The following CNIH3 variants were observed in gnomAD, a reference collection of about 807,000 sequenced individuals.
CNIH3 encodes the protein protein cornichon homolog 3.
Under a neutral mutation model 24.1 loss-of-function variants are expected in CNIH3, and 14 were observed. That is an observed-to-expected ratio of 0.58 (90% confidence interval 0.38 to 0.91). The LOEUF (loss-of-function observed/expected upper bound fraction) is 0.91, where lower values mean the gene tolerates loss of function less well. Among genes scored for constraint, CNIH3 ranks in the 40% least tolerant of loss-of-function variants. The pLI, the probability that CNIH3 is intolerant of heterozygous loss-of-function variation, is 0.00. For synonymous variants in CNIH3, 68 were observed against 73.8 expected, an observed-to-expected ratio of 0.92 and a Z score of 0.40; for missense variants, 178 against 196.8, an observed-to-expected ratio of 0.90 and a Z score of 0.57.
intron 3 of CNIH3, among the ~76,000 whole-genome samples, chr1:224,716,477 T>G (rs1326860942): frequency 1.3e-5 from 2 of 152,188 alleles, no homozygotes; most frequent in East Asian, 3.9e-4. Context: ...GTCCTGCATT[T>G]TGCTTGGGAA....
intron 3 of CNIH3, among the ~76,000 whole-genome samples, chr1:224,561,572 C>T (rs1680374903): frequency 6.6e-6 from 1 of 152,132 alleles, no homozygotes; most frequent in African/African-American, 2.4e-5. Context: ...TCGATGTGGC[C>T]TCTTCTAATG....
intron 1 of CNIH3, among the ~76,000 whole-genome samples, chr1:224,466,508 G>C (rs1394884784): frequency 1.3e-5 from 2 of 152,156 alleles, no homozygotes; most frequent in African/African-American, 4.8e-5. Context: ...ATACATTGAA[G>C]GACATTTGGG....
downstream of CNIH3, among the ~76,000 whole-genome samples, chr1:224,593,551 A>G (rs1163350560): frequency 1.3e-5 from 2 of 152,236 alleles, no homozygotes; most frequent in Non-Finnish European, 2.9e-5. Flanking sequence ...CTCTGTTGAC[A>G]TTGAATGTTC....
intron 3 of CNIH3, among the ~76,000 whole-genome samples, chr1:224,707,705 C>G (rs1389916796): frequency 2.0e-5 from 3 of 152,170 alleles, no homozygotes; most frequent in Non-Finnish European, 1.5e-5. Context: ...TGCATTTTAA[C>G]AAGATCCTTG....
chr1:224,715,264 C>A (rs1456209053), intron 3 of CNIH3, among the ~76,000 whole-genome samples: 1 of 152,202 alleles, frequency 6.6e-6, no homozygotes, highest in Non-Finnish European at 1.5e-5. Flanking sequence ...TGACTCTGCA[C>A]CCTCTGGTTT....
chr1:224,468,136 C>T (rs1676223987), intron 1 of CNIH3, among the ~76,000 whole-genome samples: 1 of 152,126 alleles, frequency 6.6e-6, no homozygotes, highest in Admixed American at 6.6e-5. Context: ...ATTCTTCTTA[C>T]AACATTCTTC....
At position 224,553,746 on chromosome 1, in the gene CNIH3, C is replaced by CTT. The variant is rs35165684; in HGVS notation, n.450+6818_450+6819dup. On this transcript the variant is annotated intron_variant and non_coding_transcript_variant, in intron 3 of 5. Transcript: ENST00000471578. ...GTGGAATTTGGGTTTTTCTTTCTTT[C>CTT]TTTTTTTTTTTTAATACAAGTGAGT... Among the ~76,000 whole-genome samples the CTT allele has an allele frequency of 6.9e-5, 10 of 145,968 alleles. No homozygotes were observed. In the East Asian group the frequency reaches 1.4e-3, roughly 20 times the overall value.
At chr1:224,707,694 C>G (rs1446385319) in intron 3 of CNIH3, among the ~76,000 whole-genome samples, 1 of 152,168 alleles carries the variant, frequency 6.6e-6, no homozygotes, top group East Asian at 1.9e-4. Flanking sequence ...GGATCATAAT[C>G]TGCATTTTAA....
intron 3 of CNIH3, among the ~76,000 whole-genome samples, chr1:224,601,247 G>A (rs913817475): frequency 1.3e-5 from 2 of 152,152 alleles, no homozygotes; most frequent in South Asian, 2.1e-4. Context: ...TGGGCTGTCC[G>A]CATGCTCAGT....
rs118046200 is a variant in CNIH3, at chr1:224,685,017, G to T, written c.198+174G>T. Among the ~76,000 whole-genome samples the T allele has an allele frequency of 2.8e-3, 421 of 152,336 alleles. 6 individuals carry two copies. In the East Asian group the frequency reaches 0.029, roughly 10 times the overall value. ...GATCAGTTCTTTGGAAACCTCCAGA[G>T]ACAAGAGGAGCTAATTAAAGGAGGT... On this transcript the variant is annotated intron_variant, in intron 3 of 5. Coordinates refer to ENST00000272133, the MANE Select transcript of CNIH3 (RefSeq NM_152495.2).
intron 3 of CNIH3, among the ~76,000 whole-genome samples, chr1:224,605,861 ATTGAT>A (rs1286675177): frequency 6.6e-6 from 1 of 152,196 alleles, no homozygotes; most frequent in African/African-American, 2.4e-5. Flanking sequence ...CTTCAGGGAG[ATTGAT>A]TTGAGTAATA....
intron 1 of CNIH3, among the ~76,000 whole-genome samples, chr1:224,467,804 TC>T (rs1416773296): frequency 2.0e-5 from 3 of 151,910 alleles, no homozygotes; most frequent in Non-Finnish European, 2.9e-5. Flanking sequence ...TTTTTTTTTT[TC>T]CAAAAGTTTC....
intron 3 of CNIH3, among the ~76,000 whole-genome samples, chr1:224,691,179 T>C (rs1436169): frequency 0.41 from 62,156 of 152,160 alleles, 15,053 homozygotes; most frequent in Middle Eastern, 0.57. Flanking sequence ...TGGTGAGAAA[T>C]GGCAATGTGA....
chr1:224,457,246 T>C (rs1299482575), intron 1 of CNIH3, among the ~76,000 whole-genome samples: 2 of 149,746 alleles, frequency 1.3e-5, no homozygotes, highest in African/African-American at 2.5e-5. Flanking sequence ...AAAACAAGGA[T>C]GGCCGTAGCT....
chr1:224,738,484 C>T (rs1329443812), intron 5 of CNIH3, among the ~76,000 whole-genome samples: 1 of 152,174 alleles, frequency 6.6e-6, no homozygotes, highest in Non-Finnish European at 1.5e-5. Flanking sequence ...CAGAGGAGCT[C>T]ATTGGGCATC....
At chr1:224,723,631 G>A (rs757778310) in intron 3 of CNIH3, among the ~76,000 whole-genome samples, 30 of 152,332 alleles carry the variant, frequency 2.0e-4, no homozygotes, top group Non-Finnish European at 2.4e-4. Flanking sequence ...TTCAGGTCCT[G>A]GCTCACTCAG....
At chr1:224,620,868 G>A (rs112460968) in intron 1 of CNIH3, among the ~76,000 whole-genome samples, 1 of 151,794 alleles carries the variant, frequency 6.6e-6, no homozygotes, top group African/African-American at 2.4e-5. Flanking sequence ...CGTTTAGAAG[G>A]AAAAAAAAGC....
intron 4 of CNIH3, among the ~76,000 whole-genome samples, chr1:224,576,918 A>G (rs1205271826): frequency 1.3e-5 from 2 of 152,166 alleles, no homozygotes; most frequent in East Asian, 3.8e-4. Flanking sequence ...ATAAAGCCAA[A>G]TACAGCCAAC....
intron 3 of CNIH3, among the ~76,000 whole-genome samples, chr1:224,553,616 C>T (rs770197265): frequency 6.6e-6 from 1 of 152,100 alleles, no homozygotes; most frequent in Non-Finnish European, 1.5e-5. Context: ...TGCTACAGCC[C>T]GCTGTGGAAA....
Sources: gnomAD v4.1 joint callset for allele counts (sites outside exome capture counted in the v4.1 genomes callset) on GRCh38, gnomAD v4.1.1 for gene constraint, MANE v1.5 for transcripts, NCBI Gene and HGNC (gene_info 2026-07-23, HGNC 2026-07-21) for gene names.